The following LMCD1 variants were observed in gnomAD, a reference collection of about 807,000 sequenced individuals.
LMCD1 encodes the protein LIM and cysteine-rich domains protein 1.
Under a neutral mutation model 42.7 loss-of-function variants are expected in LMCD1, and 32 were observed. The ratio of observed to expected loss-of-function variants is 0.75; its 90% CI spans 0.57 to 1.01. LMCD1 has a LOEUF of 1.01. LMCD1 is among the 50% of genes least tolerant of loss of function. The probability of loss-of-function intolerance (pLI) is 0.00; values close to 1 mark genes in which losing one functional copy is unlikely to be tolerated. For missense variants in LMCD1, 458 were observed against 483.1 expected (o/e 0.95, Z 0.49); for synonymous variants, 178 against 184.9 (o/e 0.96, Z 0.30).
chr3:8,568,737 CTTAAA>C lies in LMCD1; in HGVS notation c.*1144_*1148del, dbSNP rs766513339. On this transcript the variant is annotated 3_prime_UTR_variant, in exon 6 of 6. Transcript: ENST00000157600. Reference sequence around the variant, plus strand: ...ATGGTCTCTCTGAACATTTTCAGCTCTTAAATTAATTTCTTTCCCACAGTTTCTAA... The same window carrying C: ...ATGGTCTCTCTGAACATTTTCAGCTCTTAATTTCTTTCCCACAGTTTCTAA... 3.3e-5 allele frequency: 5 copies of C among 152,154 alleles called. No individual in the cohort carries two copies. Among genetic ancestry groups the C allele is most frequent in the Admixed American group, 2.6e-4 (4 of 15,278 alleles). 9.4% of individuals were successfully genotyped at this position (152,154 alleles called of 1,614,324 possible). A position where few individuals can be genotyped will look rare whatever the true frequency, so the allele number is the denominator to read the frequency against.
intron 4 of LMCD1, among the ~76,000 whole-genome samples, chr3:8,552,651 C>T (rs1182272217): frequency 6.6e-6 from 1 of 152,194 alleles, no homozygotes; most frequent in Admixed American, 6.5e-5. Context: ...GAAATGATAT[C>T]ACCAATTTGG....
chr3:8,525,154 C>T (rs1487731291), intron 1 of LMCD1, among the ~76,000 whole-genome samples: 1 of 152,190 alleles, frequency 6.6e-6, no homozygotes, highest in Admixed American at 6.5e-5. Flanking sequence ...ACTCATCCTG[C>T]CTAATTGAAA....
At chr3:8,560,691 G>C (rs1025298697) in intron 4 of LMCD1, among the ~76,000 whole-genome samples, 1 of 152,208 alleles carries the variant, frequency 6.6e-6, no homozygotes, top group Non-Finnish European at 1.5e-5. Context: ...GCAGGAGGGA[G>C]GGTGAAAATA....
In LMCD1 at chr3:8,567,547, C is replaced by T. The variant is rs1574979133; in HGVS notation, c.1047C>T (p.Val349=). Residue 349 remains valine, a synonymous_variant, in exon 6 of 6, where the codon GTC becomes GTT. Coordinates refer to ENST00000157600, the MANE Select transcript of LMCD1 (RefSeq NM_014583.4). ...EQLLSGRAYI[V]TKGQLLCPTC... is the part of the protein sequence containing the mutation. ...TGCTGAGCGGCCGGGCGTACATCGT[C>T]ACCAAGGGTCAGCTTCTGTGCCCAA... 3.1e-6 allele frequency: 5 copies of T among 1,613,870 alleles called. No homozygotes were observed. The highest frequency in any genetic ancestry group is 4.5e-5 in the East Asian group (2 of 44,834).
intron 3 of LMCD1, among the ~76,000 whole-genome samples, chr3:8,539,912 G>A (rs1389647426): frequency 1.3e-5 from 2 of 151,576 alleles, no homozygotes; most frequent in Admixed American, 1.3e-4. Flanking sequence ...CCATGTTGGC[G>A]TGCTGCACCC....
chr3:8,548,312 G>A (rs1184644817), intron 3 of LMCD1, among the ~76,000 whole-genome samples: 1 of 151,686 alleles, frequency 6.6e-6, no homozygotes, highest in Admixed American at 6.6e-5. Flanking sequence ...AGGGATGCGT[G>A]TTTTTCCTTT....
At chr3:8,562,022 A>C (rs1276314529) in intron 4 of LMCD1, among the ~76,000 whole-genome samples, 1 of 152,220 alleles carries the variant, frequency 6.6e-6, no homozygotes, top group Non-Finnish European at 1.5e-5. Flanking sequence ...TGAATGAATG[A>C]GCATTTAGCA....
intron 1 of LMCD1, among the ~76,000 whole-genome samples, chr3:8,506,539 G>A (rs762669004): frequency 1.1e-4 from 17 of 152,106 alleles, no homozygotes; most frequent in Non-Finnish European, 1.8e-4. Flanking sequence ...AGTTCCTCTC[G>A]CAACTCACTA....
At position 8,501,838 on chromosome 3, in the gene LMCD1, C is replaced by A; in HGVS notation, c.-101C>A. The A allele has an allele frequency of 1.9e-6, 2 of 1,051,510 alleles. No individual in the cohort carries two copies. Among genetic ancestry groups the A allele is most frequent in the Admixed American group, 2.3e-5 (1 of 44,072 alleles). 65.1% of individuals were successfully genotyped at this position (1,051,510 alleles called of 1,614,324 possible). On this transcript the variant is annotated 5_prime_UTR_variant, in exon 1 of 6. Transcript: ENST00000157600. ...GCCTGGCTGCGCACAGAGCTCCCTC[C>A]CAGGCCCGCGAACTTGGCCATTCAG...
At chr3:8,519,487 C>A (rs770038299) in intron 1 of LMCD1, among the ~76,000 whole-genome samples, 6 of 152,082 alleles carry the variant, frequency 3.9e-5, no homozygotes, top group Non-Finnish European at 7.4e-5. Context: ...AAAAACAAGA[C>A]CTTGAAAGTG....
At chr3:8,527,753 G>A (rs764559339) in intron 1 of LMCD1, among the ~76,000 whole-genome samples, 54 of 152,284 alleles carry the variant, frequency 3.5e-4, no homozygotes, top group South Asian at 8.3e-4. Flanking sequence ...TCATTAGGGC[G>A]TGTGATAGTA....
At chr3:8,515,766 A>G (rs1694086028) in intron 1 of LMCD1, among the ~76,000 whole-genome samples, 1 of 152,140 alleles carries the variant, frequency 6.6e-6, no homozygotes, top group Admixed American at 6.5e-5. Flanking sequence ...GGTTAGAAAG[A>G]AGGAAAGAGA....
intron 4 of LMCD1, among the ~76,000 whole-genome samples, chr3:8,552,794 G>T (rs190357128): frequency 9.6e-4 from 146 of 152,224 alleles, no homozygotes; most frequent in African/African-American, 3.3e-3. Flanking sequence ...CACAGTCTCG[G>T]CTCACTGCAA....
In LMCD1 at chr3:8,501,951, G is replaced by A. The variant is rs551158577; in HGVS notation, c.13G>A (p.Ala5Thr). The change falls in exon 1 of 6, where the codon GCT becomes ACT. Residue 5 changes from alanine to threonine, a missense_variant. Ala to Thr is a moderately conservative substitution (Grantham distance 58). Transcript: ENST00000157600. ...ACCCCAGAAGAGGATGGCAAAGGTG[G>A]CTAAGGACCTCAACCCAGGAGTTAA... is the stretch of plus-strand genomic sequence containing the variant. MAKV[A>T]KDLNPGVKKM... 4 of 1,594,814 alleles carry A rather than the reference G, an allele frequency of 2.5e-6. No homozygotes were observed. The highest frequency in any genetic ancestry group is 1.1e-5 in the South Asian group (1 of 88,396).
Position 8,532,736 on chromosome 3 carries a change from G to C in LMCD1, c.43-1G>C. 1 of 1,613,838 alleles carries C rather than the reference G, an allele frequency of 6.2e-7. No homozygotes were observed. The highest frequency in any genetic ancestry group is 8.5e-7 in the Non-Finnish European group (1 of 1,179,800). On this transcript the variant is annotated splice_acceptor_variant, in intron 1 of 5. Transcript: ENST00000157600. LOFTEE classifies it high-confidence loss of function. ...CACCCTCTTTTCTGTTCCTTTTCCA[G>C]ATGTCCCTGGGCCAGCTGCAGTCAG...
chr3:8,518,622 G>T (rs564406203), intron 1 of LMCD1, among the ~76,000 whole-genome samples: 1 of 152,198 alleles, frequency 6.6e-6, no homozygotes, highest in African/African-American at 2.4e-5. Flanking sequence ...AAACATAGGA[G>T]AAGCAGGGAG....
rs949863240 is a variant in LMCD1 at position 8,572,378 on chromosome 3, T to C, written c.*4780T>C. 6.6e-6 allele frequency: 1 copy of C among 152,234 alleles called. No individual in the cohort carries two copies. Among genetic ancestry groups the C allele is most frequent in the African/African-American group, 2.4e-5 (1 of 41,470 alleles). 9.4% of individuals were successfully genotyped at this position (152,234 alleles called of 1,614,324 possible). A position where few individuals can be genotyped will look rare whatever the true frequency, so the allele number is the denominator to read the frequency against. On this transcript the variant is annotated 3_prime_UTR_variant, in exon 6 of 6. Transcript: ENST00000157600. The stretch of plus-strand genomic sequence containing the variant: ...GCCAGTATCAGCCAGATTTTTCCAT[T>C]GTAAAGTCATTCCTTTGTCCTTTGT...
intron 4 of LMCD1, among the ~76,000 whole-genome samples, chr3:8,562,429 T>C (rs1280195225): frequency 2.0e-5 from 3 of 152,182 alleles, no homozygotes; most frequent in Admixed American, 1.3e-4. Flanking sequence ...CCCAGCTCAG[T>C]TCCCATAGAA....
At chr3:8,542,961 A>T (rs1694655349) in intron 3 of LMCD1, among the ~76,000 whole-genome samples, 1 of 152,156 alleles carries the variant, frequency 6.6e-6, no homozygotes, top group African/African-American at 2.4e-5. Context: ...GAACATGGAG[A>T]AGTCAGCAGT....
Sources: gnomAD v4.1 joint callset for allele counts (sites outside exome capture counted in the v4.1 genomes callset) on GRCh38, gnomAD v4.1.1 for gene constraint, MANE v1.5 for transcripts, NCBI Gene and HGNC (gene_info 2026-07-23, HGNC 2026-07-21) for gene names.